The following CA10 variants were observed in gnomAD, a reference collection of about 807,000 sequenced individuals.
The protein encoded by CA10 is carbonic anhydrase-related protein 10.
Under a neutral mutation model 44.2 loss-of-function variants are expected in CA10, and 14 were observed. The ratio of observed to expected loss-of-function variants is 0.32; its 90% CI spans 0.21 to 0.50. CA10 has a LOEUF of 0.50. CA10 is among the 20% of genes least tolerant of loss of function. The pLI is 0.99. For missense variants in CA10, 350 were observed against 409.7 expected (o/e 0.85, Z 1.26); for synonymous variants, 159 against 141.6 (o/e 1.12, Z -0.87).
intron 1 of CA10, among the ~76,000 whole-genome samples, chr17:52,101,407 G>A (rs1988536684): frequency 6.6e-6 from 1 of 152,194 alleles, no homozygotes; most frequent in African/African-American, 2.4e-5. Flanking sequence ...AATTCAGCCA[G>A]TATTCCAGTT....
chr17:51,755,079 G>A (rs116335213), intron 3 of CA10, among the ~76,000 whole-genome samples: 3,023 of 152,198 alleles, frequency 0.02, 101 homozygotes, highest in African/African-American at 0.068. Context: ...TTTTCCAAAT[G>A]TCAGTCACAT....
intron 2 of CA10, among the ~76,000 whole-genome samples, chr17:51,956,576 T>C (rs1431980524): frequency 6.6e-6 from 1 of 152,152 alleles, no homozygotes; most frequent in Non-Finnish European, 1.5e-5. Flanking sequence ...AAGAGAAACA[T>C]ACAACAGTGC....
chr17:52,005,161 C>G (rs1985554867), intron 2 of CA10, among the ~76,000 whole-genome samples: 2 of 151,850 alleles, frequency 1.3e-5, no homozygotes, highest in African/African-American at 4.8e-5. Context: ...TAGGAAAATA[C>G]AAAATAATAA....
At position 52,102,792 on chromosome 17, in the gene CA10, T is replaced by C. The variant is rs191719513; in HGVS notation, c.62-30399A>G. ...AGTTTATCTTTTAACAGTATTCTTC[T>C]CAAGAATGTAAATAAAATTTTCCTC... On this transcript the variant is annotated intron_variant, in intron 1 of 8. Coordinates refer to ENST00000451037, the MANE Select transcript of CA10 (RefSeq NM_020178.5). Among the ~76,000 whole-genome samples the C allele has an allele frequency of 3.7e-3, 566 of 152,330 alleles. 1 individual carries two copies. The highest frequency in any genetic ancestry group is 0.012 in the South Asian group (57 of 4,824).
intron 2 of CA10, among the ~76,000 whole-genome samples, chr17:51,939,868 T>C (rs1478242602): frequency 1.3e-5 from 2 of 152,100 alleles, no homozygotes; most frequent in Non-Finnish European, 2.9e-5. Flanking sequence ...GTTTTTGATA[T>C]TTTGCTATAT....
intron 4 of CA10, among the ~76,000 whole-genome samples, chr17:51,687,185 T>G (rs987087355): frequency 1.3e-5 from 2 of 152,194 alleles, no homozygotes; most frequent in Admixed American, 1.3e-4. Flanking sequence ...ACCAGGCTCA[T>G]TCCCATGTTT....
chr17:51,779,156 T>A (rs1184554918), intron 3 of CA10, among the ~76,000 whole-genome samples: 2 of 152,028 alleles, frequency 1.3e-5, no homozygotes, highest in Non-Finnish European at 2.9e-5. Flanking sequence ...ATAGGCACTG[T>A]TTTCCCTTTC....
intron 2 of CA10, among the ~76,000 whole-genome samples, chr17:51,944,260 T>C (rs763998722): frequency 6.6e-6 from 1 of 152,156 alleles, no homozygotes; most frequent in Non-Finnish European, 1.5e-5. Flanking sequence ...TCAGTGAATA[T>C]ACCAGGACTA....
intron 2 of CA10, among the ~76,000 whole-genome samples, chr17:52,062,170 T>A (rs899489283): frequency 5.4e-5 from 8 of 147,322 alleles, no homozygotes; most frequent in East Asian, 2.0e-4. Flanking sequence ...CAGGTTCAAG[T>A]GATTCTTATG....
intron 1 of CA10, among the ~76,000 whole-genome samples, chr17:52,150,885 C>A (rs1989688962): frequency 6.6e-6 from 1 of 151,912 alleles, no homozygotes. Context: ...AATACCAAAT[C>A]TCAAAGATCA....
chr17:51,928,859 T>A (rs1037905696), intron 3 of CA10, among the ~76,000 whole-genome samples: 4 of 152,206 alleles, frequency 2.6e-5, no homozygotes, highest in Non-Finnish European at 1.5e-5. Context: ...CCTAGCAAAT[T>A]AAGGCATTTC....
chr17:52,107,036 C>G (rs974928221), intron 1 of CA10, among the ~76,000 whole-genome samples: 1 of 152,154 alleles, frequency 6.6e-6, no homozygotes, highest in Admixed American at 6.5e-5. Flanking sequence ...AAAGATCTTT[C>G]GATTCCATAT....
intron 3 of CA10, among the ~76,000 whole-genome samples, chr17:51,876,177 T>G (rs2143872666): frequency 7.0e-6 from 1 of 143,320 alleles, no homozygotes; most frequent in African/African-American, 2.6e-5. Flanking sequence ...TTTTTTTTTT[T>G]TTTTTTTTGA....
chr17:52,051,093 A>G (rs2143045008), intron 2 of CA10, among the ~76,000 whole-genome samples: 1 of 143,176 alleles, frequency 7.0e-6, no homozygotes, highest in East Asian at 2.1e-4. Context: ...GAAGAGTGGG[A>G]AGGGAGGAAG....
At chr17:51,649,564 TG>T (rs1913476369) in intron 5 of CA10, among the ~76,000 whole-genome samples, 1 of 151,884 alleles carries the variant, frequency 6.6e-6, no homozygotes, top group Non-Finnish European at 1.5e-5. Flanking sequence ...TCTGAGAGGA[TG>T]GGTAGAAGTT....
At position 51,649,215 on chromosome 17, in the gene CA10, T is replaced by C; in HGVS notation, c.601A>G (p.Asn201Asp). 3 of 1,613,564 alleles carry C rather than the reference T, an allele frequency of 1.9e-6. No individual in the cohort carries two copies. The highest frequency in any genetic ancestry group is 2.5e-6 in the Non-Finnish European group (3 of 1,179,462). Reference sequence around the variant, plus strand: ...GTTATTCTTGTGATAGTATCTCTGTTGAGCATTCGATTAAGAAATGGGTTT... The same window carrying C: ...GTTATTCTTGTGATAGTATCTCTGTCGAGCATTCGATTAAGAAATGGGTTT... ...SSNPFLNRML[N>D]RDTITRITYK... The change falls in exon 6 of 9, where the codon AAC becomes GAC. Residue 201 changes from asparagine (N) to aspartate (D), a missense_variant. Coordinates refer to ENST00000451037, the MANE Select transcript of CA10 (RefSeq NM_020178.5).
chr17:51,807,043 T>C (rs1202523277), intron 3 of CA10, among the ~76,000 whole-genome samples: 1 of 152,206 alleles, frequency 6.6e-6, no homozygotes, highest in Non-Finnish European at 1.5e-5. Flanking sequence ...CCAAGGCAGA[T>C]TAAAGTGCAT....
At chr17:51,813,541 A>T (rs1255202638) in intron 3 of CA10, among the ~76,000 whole-genome samples, 1 of 152,142 alleles carries the variant, frequency 6.6e-6, no homozygotes, top group Non-Finnish European at 1.5e-5. Context: ...AGGTGACCCT[A>T]AGGTCAGTGT....
chr17:51,752,587 T>G (rs1282420168), intron 3 of CA10, among the ~76,000 whole-genome samples: 1 of 151,886 alleles, frequency 6.6e-6, no homozygotes, highest in Non-Finnish European at 1.5e-5. Context: ...ACTAATGATC[T>G]CGATGTAAGC....
Sources: allele counts gnomAD v4.1 joint callset (sites outside exome capture counted in the v4.1 genomes callset), GRCh38; gene constraint gnomAD v4.1.1; transcripts MANE v1.5; gene names NCBI Gene and HGNC (gene_info 2026-07-23, HGNC 2026-07-21).